The following ANKIB1 variants were observed in gnomAD, a reference collection of about 807,000 sequenced individuals.
The protein encoded by ANKIB1 is ankyrin repeat and IBR domain-containing protein 1.
In ANKIB1, 43 loss-of-function variants were observed where a neutral mutation model predicts 122.1. That is an observed-to-expected ratio of 0.35 (90% CI 0.28 to 0.45). The LOEUF is 0.45. Among genes scored for constraint, ANKIB1 ranks in the 20% least tolerant of loss-of-function variants. The pLI is 1.00. For missense variants in ANKIB1, 992 were observed against 1,329.5 expected (o/e 0.75, Z 3.95); for synonymous variants, 390 against 442.0 (o/e 0.88, Z 1.48).
At chr7:92,262,014 C>A (rs1801576061) in intron 1 of ANKIB1, among the ~76,000 whole-genome samples, 1 of 152,148 alleles carries the variant, frequency 6.6e-6, no homozygotes, top group African/African-American at 2.4e-5. Flanking sequence ...TTATACTGTG[C>A]CCTTCATTAC....
intron 1 of ANKIB1, among the ~76,000 whole-genome samples, chr7:92,282,542 T>C (rs1412397370): frequency 1.3e-5 from 2 of 152,224 alleles, no homozygotes; most frequent in Non-Finnish European, 2.9e-5. Context: ...TGTTCACTTA[T>C]ATTTTTGCAT....
chr7:92,351,845 A>T (rs73414055), intron 8 of ANKIB1, among the ~76,000 whole-genome samples: 22,216 of 150,904 alleles, frequency 0.15, 2,020 homozygotes, highest in East Asian at 0.38. Context: ...CTCAGCCTTA[A>T]GAGTAGCTGG....
At chr7:92,259,506 T>C (rs557794967) in intron 1 of ANKIB1, among the ~76,000 whole-genome samples, 2 of 152,130 alleles carry the variant, frequency 1.3e-5, no homozygotes, top group Non-Finnish European at 2.9e-5. Flanking sequence ...AGGATGAAAA[T>C]CTCTGCATTT....
At chr7:92,288,346 A>G (rs1280532299) in intron 1 of ANKIB1, among the ~76,000 whole-genome samples, 2 of 152,218 alleles carry the variant, frequency 1.3e-5, no homozygotes, top group East Asian at 1.9e-4. Context: ...TTGAAAATCA[A>G]TTACAGAAGA....
chr7:92,328,095 T>C (rs1185077805), intron 5 of ANKIB1, among the ~76,000 whole-genome samples, 195 bp downstream of exon 5: 1 of 152,220 alleles, frequency 6.6e-6, no homozygotes, highest in African/African-American at 2.4e-5. Flanking sequence ...TAAATTGGCA[T>C]ATATCTAAGA....
chr7:92,390,260 A>C, intron 15 of ANKIB1, 144 bp downstream of exon 15: 1 of 709,536 alleles, frequency 1.4e-6, no homozygotes, highest in Non-Finnish European at 2.1e-6. Context: ...TTTTAAATAA[A>C]GGAAAAGTTA....
rs778878843 is a variant in ANKIB1, at chr7:92,345,064, G to A, written c.1083G>A (p.Glu361=). Residue 361 remains glutamate, a splice_region_variant and synonymous_variant, in exon 7 of 20, where the codon GAG becomes GAA. Coordinates refer to ENST00000265742, the MANE Select transcript of ANKIB1 (RefSeq NM_019004.2). ...CGHDFCRGCW[E]SFLNLKIQEG... Reference sequence around the variant, plus strand: ...ATGACTTTTGTAGAGGATGTTGGGAGTCGTGAGTATATGAGCACCTTAGCA... The same window carrying A: ...ATGACTTTTGTAGAGGATGTTGGGAATCGTGAGTATATGAGCACCTTAGCA... 5.0e-6 allele frequency: 8 copies of A among 1,609,468 alleles called. No homozygotes were observed. Among genetic ancestry groups the A allele is most frequent in the African/African-American group, 1.3e-5 (1 of 74,792 alleles).
chr7:92,253,403 T>C lies in ANKIB1; in HGVS notation c.-91+6884T>C, dbSNP rs12704638. 8.4e-3 allele frequency among the ~76,000 whole-genome samples: 1,285 copies of C among 152,310 alleles called. 8 individuals are homozygous for C. The highest frequency in any genetic ancestry group is 0.014 in the Non-Finnish European group (974 of 68,022). ...TTTGCCTCTGTGGAACCACAACCCTTCACTGGGCCTATGACTCTGTGCAAC... is the reference window on the plus strand; with the variant it reads ...TTTGCCTCTGTGGAACCACAACCCTCCACTGGGCCTATGACTCTGTGCAAC... On this transcript the variant is annotated intron_variant, in intron 1 of 19. Transcript: ENST00000265742.
intron 4 of ANKIB1, among the ~76,000 whole-genome samples, chr7:92,324,012 A>G (rs1216670994): frequency 1.3e-5 from 2 of 152,236 alleles, no homozygotes; most frequent in East Asian, 1.9e-4. Flanking sequence ...ATGCTCAGGC[A>G]AGAACAGCTG....
At chr7:92,284,626 T>C (rs1802078783) in intron 1 of ANKIB1, among the ~76,000 whole-genome samples, 1 of 152,240 alleles carries the variant, frequency 6.6e-6, no homozygotes, top group Non-Finnish European at 1.5e-5. Context: ...CATTTTCTTT[T>C]CTTTTTTCAT....
intron 3 of ANKIB1, among the ~76,000 whole-genome samples, chr7:92,314,939 G>A (rs983189518): frequency 2.6e-5 from 4 of 152,080 alleles, no homozygotes; most frequent in African/African-American, 9.7e-5. Context: ...GAATGAGGCA[G>A]ATGCCAGGGA....
chr7:92,290,717 G>T (rs116379258), intron 1 of ANKIB1, among the ~76,000 whole-genome samples: 1 of 152,076 alleles, frequency 6.6e-6, no homozygotes, highest in East Asian at 1.9e-4. Context: ...TTTAAGTACC[G>T]TTGAGTTTTT....
intron 1 of ANKIB1, among the ~76,000 whole-genome samples, 161 bp from the exon 2 acceptor site, chr7:92,294,728 T>C (rs565573738): frequency 1.3e-5 from 2 of 152,296 alleles, no homozygotes; most frequent in African/African-American, 4.8e-5. Flanking sequence ...GTGTTAAAAA[T>C]TTGAGATTTT....
intron 9 of ANKIB1, among the ~76,000 whole-genome samples, chr7:92,359,943 C>T (rs184347544): frequency 6.6e-6 from 1 of 152,234 alleles, no homozygotes; most frequent in Admixed American, 6.5e-5. Context: ...TTTTGAATGT[C>T]TGTTAAGCTA....
chr7:92,352,370 C>A (rs1299164230), intron 8 of ANKIB1, 106 bp from the exon 9 acceptor site: 3 of 1,205,268 alleles, frequency 2.5e-6, no homozygotes, highest in East Asian at 5.4e-5. Context: ...TTATTTCACT[C>A]TTTTTCTTTC....
At position 92,371,577 on chromosome 7, in the gene ANKIB1, T is replaced by C. The variant is rs1337340434; in HGVS notation, c.1587T>C (p.Asn529=). The change falls in exon 11 of 20, where the codon AAT becomes AAC. Residue 529 remains asparagine (N), a synonymous_variant. Transcript: ENST00000265742. ...CANCKSPIQK[N]EGCNHMQCAK... is the part of the protein sequence containing the mutation. ...ACTGTAAGTCTCCAATACAGAAGAA[T>C]GAAGGCTGCAATCACATGCAGTGTG... The C allele has an allele frequency of 1.2e-6, 2 of 1,605,262 alleles. No individual in the cohort carries two copies. The highest frequency in any genetic ancestry group is 1.7e-6 in the Non-Finnish European group (2 of 1,175,490).
At chr7:92,272,976 A>C (rs1801827768) in intron 1 of ANKIB1, among the ~76,000 whole-genome samples, 1 of 152,342 alleles carries the variant, frequency 6.6e-6, no homozygotes, top group Middle Eastern at 3.4e-3. Flanking sequence ...ATTGAAACAT[A>C]TCAAAACATA....
intron 11 of ANKIB1, among the ~76,000 whole-genome samples, chr7:92,380,419 A>AGACCACCTCCTCAAGTGGGTGCCT (rs1464376293): frequency 1.3e-5 from 2 of 152,210 alleles, no homozygotes; most frequent in African/African-American, 2.4e-5. Flanking sequence ...GAGAACGGAC[A>AGACCACCTCCTCAAGTGGGTGCCT]GACCACCTCC....
intron 11 of ANKIB1, among the ~76,000 whole-genome samples, chr7:92,379,558 C>G (rs1446157195): frequency 6.6e-6 from 1 of 151,532 alleles, no homozygotes; most frequent in Non-Finnish European, 1.5e-5. Context: ...AAAAGAAAGC[C>G]TACAATATAG....
Sources: allele counts gnomAD v4.1 joint callset (sites outside exome capture counted in the v4.1 genomes callset), GRCh38; gene constraint gnomAD v4.1.1; transcripts MANE v1.5; gene names NCBI Gene and HGNC (gene_info 2026-07-23, HGNC 2026-07-21).